The following FA2H variants were observed in gnomAD, a reference collection of about 807,000 sequenced individuals.
FA2H encodes fatty acid alpha-hydroxylase.
A neutral mutation model predicts 44.9 loss-of-function variants in FA2H; 22 were observed. The ratio of observed to expected loss-of-function variants is 0.49; its 90% CI spans 0.35 to 0.70. The LOEUF is 0.70. FA2H is among the 30% of genes least tolerant of loss of function. The pLI, the probability that FA2H is intolerant of heterozygous loss-of-function variation, is 0.01. For synonymous variants in FA2H, 243 were observed against 213.2 expected (o/e 1.14, Z -1.22); for missense variants, 501 against 504.9 (o/e 0.99, Z 0.07).
intron 4 of FA2H, among the ~76,000 whole-genome samples, chr16:74,721,621 G>T (rs547228614): frequency 2.6e-5 from 4 of 152,150 alleles, no homozygotes; most frequent in Non-Finnish European, 5.9e-5. Context: ...TTTAACCTCT[G>T]CAAGACCCTA....
At chr16:74,717,924 C>A (rs1010409350) in intron 5 of FA2H, among the ~76,000 whole-genome samples, 1 of 152,216 alleles carries the variant, frequency 6.6e-6, no homozygotes, top group Admixed American at 6.5e-5. Flanking sequence ...GCAGTGAGCT[C>A]TGCAGAGCAG....
intron 2 of FA2H, among the ~76,000 whole-genome samples, chr16:74,733,719 G>A (rs1160206805): frequency 6.6e-6 from 1 of 152,154 alleles, no homozygotes; most frequent in Non-Finnish European, 1.5e-5. Flanking sequence ...AATGAGATGG[G>A]AAGCGATGCA....
intron 2 of FA2H, among the ~76,000 whole-genome samples, chr16:74,729,235 C>T (rs1369417531): frequency 6.6e-6 from 1 of 152,122 alleles, no homozygotes; most frequent in Non-Finnish European, 1.5e-5. Context: ...GTCTCAATCT[C>T]CCGATCCTCG....
intron 1 of FA2H, among the ~76,000 whole-genome samples, chr16:74,768,839 C>G (rs982289674): frequency 6.6e-6 from 1 of 152,054 alleles, no homozygotes; most frequent in African/African-American, 2.4e-5. Context: ...CAGACAAGCC[C>G]TGTGGAATTA....
intron 4 of FA2H, among the ~76,000 whole-genome samples, chr16:74,720,442 C>T (rs577870006): frequency 2.2e-4 from 33 of 151,900 alleles, no homozygotes; most frequent in African/African-American, 8.0e-4. Flanking sequence ...GTGATCTGCC[C>T]TCCTCAGCCT....
intron 1 of FA2H, among the ~76,000 whole-genome samples, chr16:74,750,743 A>C (rs1408184526): frequency 2.0e-5 from 2 of 97,692 alleles, no homozygotes; most frequent in Non-Finnish European, 4.5e-5. Flanking sequence ...ATTCAGGCCT[A>C]TGTCCTCTTT....
intron 1 of FA2H, among the ~76,000 whole-genome samples, chr16:74,747,109 G>C (rs1370946684): frequency 1.3e-5 from 2 of 152,096 alleles, no homozygotes; most frequent in Admixed American, 6.6e-5. Context: ...TCAGGAGTTT[G>C]AGACCAGCCT....
Position 74,739,087 on chromosome 16 carries a change from C to A in FA2H, c.363+936G>T, listed in dbSNP as rs576488229. Among the ~76,000 whole-genome samples, 6 of 152,334 alleles carry A rather than the reference C, an allele frequency of 3.9e-5. No individual in the cohort carries two copies. In the South Asian group the frequency reaches 1.2e-3, roughly 32 times the overall value. On this transcript the variant is annotated intron_variant, in intron 2 of 6. Transcript: ENST00000219368. ...AGTCAGCTTTGTGGGGTCCCCACCC[C>A]ACTCTGCTCACCTGTGTTCCTTGGG...
At chr16:74,765,559 T>G (rs1962794022) in intron 1 of FA2H, among the ~76,000 whole-genome samples, 1 of 152,192 alleles carries the variant, frequency 6.6e-6, no homozygotes, top group Non-Finnish European at 1.5e-5. Flanking sequence ...ATTCAAACAT[T>G]TATTTATTCA....
At chr16:74,721,461 C>T (rs1195268302) in intron 4 of FA2H, among the ~76,000 whole-genome samples, 1 of 152,172 alleles carries the variant, frequency 6.6e-6, no homozygotes, top group Non-Finnish European at 1.5e-5. Flanking sequence ...AGCCATCATG[C>T]TTGGCCTAGC....
chr16:74,723,274 C>T (rs1253885180), intron 4 of FA2H, among the ~76,000 whole-genome samples: 1 of 152,152 alleles, frequency 6.6e-6, no homozygotes, highest in Non-Finnish European at 1.5e-5. Context: ...TGCCTGCCGC[C>T]ACACTTGGCT....
chr16:74,715,125 C>T, intron 6 of FA2H, among the ~76,000 whole-genome samples: 1 of 151,908 alleles, frequency 6.6e-6, no homozygotes, highest in Admixed American at 6.6e-5. Flanking sequence ...AATGTTTAAG[C>T]ATGTTTGGAG....
intron 6 of FA2H, among the ~76,000 whole-genome samples, chr16:74,715,229 G>A (rs1961666811): frequency 6.6e-6 from 1 of 152,110 alleles, no homozygotes; most frequent in Non-Finnish European, 1.5e-5. Context: ...GAATTGAGAT[G>A]TGCTGTAAGT....
intron 1 of FA2H, among the ~76,000 whole-genome samples, chr16:74,757,623 T>C (rs1173757663): frequency 6.6e-6 from 1 of 152,168 alleles, no homozygotes; most frequent in Non-Finnish European, 1.5e-5. Context: ...ATATTGCTGA[T>C]ATGGAAAGAG....
chr16:74,729,436 A>G (rs1000148904), intron 2 of FA2H, among the ~76,000 whole-genome samples: 4 of 152,206 alleles, frequency 2.6e-5, no homozygotes, highest in Non-Finnish European at 2.9e-5. Flanking sequence ...GCCACTACGC[A>G]GGCTTTATCT....
intron 1 of FA2H, among the ~76,000 whole-genome samples, chr16:74,741,819 T>TGC (rs1692851374): frequency 9.7e-6 from 1 of 102,650 alleles, no homozygotes; most frequent in Non-Finnish European, 2.0e-5. Flanking sequence ...TGTGTGTGTG[T>TGC]GTGTGTGTGT....
At chr16:74,738,728 TC>T (rs1962230418) in intron 2 of FA2H, among the ~76,000 whole-genome samples, 1 of 151,416 alleles carries the variant, frequency 6.6e-6, no homozygotes, top group African/African-American at 2.4e-5. Context: ...CCCCAAACTC[TC>T]CCCATTCCCC....
intron 2 of FA2H, 101 bp from the exon 3 acceptor site, chr16:74,727,487 A>G: frequency 1.5e-6 from 2 of 1,312,772 alleles, no homozygotes; most frequent in Non-Finnish European, 1.1e-6. Flanking sequence ...CTCCTACCTC[A>G]GCTCCTGTGA....
chr16:74,756,274 C>T (rs1241549711), intron 1 of FA2H, among the ~76,000 whole-genome samples: 3 of 152,202 alleles, frequency 2.0e-5, no homozygotes, highest in Admixed American at 2.0e-4. Flanking sequence ...AGTTCCAGGA[C>T]AAGCTGCAGC....
Sources: allele counts gnomAD v4.1 joint callset (sites outside exome capture counted in the v4.1 genomes callset), GRCh38; gene constraint gnomAD v4.1.1; transcripts MANE v1.5; gene names NCBI Gene and HGNC (gene_info 2026-07-23, HGNC 2026-07-21).